Variants in MROH6 observed in about 807,000 individuals in gnomAD.
MROH6 encodes the protein maestro heat-like repeat-containing protein family member 6.
In MROH6, 62 loss-of-function variants were observed where a neutral mutation model predicts 67.7. The observed-to-expected ratio is 0.92, with a 90% CI of 0.75 to 1.13. MROH6 has a LOEUF of 1.13. Ranked by LOEUF, MROH6 falls within the 50% of genes most tolerant of loss-of-function variation. The pLI is 0.00. For synonymous variants in MROH6, 566 were observed against 470.8 expected, an observed-to-expected ratio of 1.20 and a Z score of -2.62; for missense variants, 1,175 against 1,029.1, an observed-to-expected ratio of 1.14 and a Z score of -1.94.
rs768119075 is a variant in MROH6 at position 143,568,675 on chromosome 8, A to G, written c.1521T>C (p.Thr507=). 2.6e-5 allele frequency: 40 copies of G among 1,521,786 alleles called. No individual in the cohort carries two copies. The highest frequency in any genetic ancestry group is 3.2e-5 in the Non-Finnish European group (36 of 1,139,644). 94.3% of individuals were successfully genotyped at this position (1,521,786 alleles called of 1,614,324 possible). A position where few individuals can be genotyped will look rare whatever the true frequency, so the allele number is the denominator to read the frequency against. ...IRASAVGLLG[T]LVRRGRGGLR... is the part of the protein sequence containing the mutation. Reference sequence around the variant, plus strand: ...GCCCGCCCCGGCCCCGGCGCACCAGAGTCCCAAGGAGCCCGACGGCCGAGG... The same window carrying G: ...GCCCGCCCCGGCCCCGGCGCACCAGGGTCCCAAGGAGCCCGACGGCCGAGG... Residue 507 remains threonine, a synonymous_variant, in exon 10 of 14, where the codon ACT becomes ACC. Coordinates refer to ENST00000398882, the MANE Select transcript of MROH6 (RefSeq NM_001100878.2).
chr8:143,572,299 C>T, intron 1 of MROH6, 114 bp from the exon 2 acceptor site: 1 of 1,521,870 alleles, frequency 6.6e-7, no homozygotes. Flanking sequence ...CTGTTGCTCA[C>T]CAGCCTGTTT....
At chr8:143,570,746 G>A (rs1420549642) in intron 4 of MROH6, 89 bp from the exon 5 acceptor site, 1 of 1,448,160 alleles carries the variant, frequency 6.9e-7, no homozygotes, top group Non-Finnish European at 9.3e-7. Context: ...ACAGGATGGG[G>A]ACAGCCTCAG....
In MROH6 at chr8:143,572,056, G is replaced by C. The variant is rs201330002; in HGVS notation, c.424C>G (p.Arg142Gly). Residue 142 changes from arginine to glycine, a missense_variant, in exon 2 of 14, where the codon CGG becomes GGG. Physicochemically the swap from Arg to Gly is moderately radical, Grantham distance 125 (BLOSUM62 -2). Coordinates refer to ENST00000398882, the MANE Select transcript of MROH6 (RefSeq NM_001100878.2). Reference protein sequence around the residue: ...VLTLSSALEARGERLEDQVHA... With the variant: ...VLTLSSALEAGGERLEDQVHA... Reference sequence around the variant, plus strand: ...ACCTGGTCCTCCAACCGCTCGCCCCGGGCCTCCAGGGCTGAGGACAGGGTG... The same window carrying C: ...ACCTGGTCCTCCAACCGCTCGCCCCCGGCCTCCAGGGCTGAGGACAGGGTG... The C allele has an allele frequency of 5.0e-6, 8 of 1,612,094 alleles. No homozygotes were observed. In the East Asian group the frequency reaches 1.6e-4, roughly 31 times the overall value.
Position 143,569,630 on chromosome 8 carries a change from G to C in MROH6, c.1303-16C>G. ...CGTGCCGCACCTGCTGGGACTCGGG[G>C]TCAGCCTCTTGCAGACCTCGCCGCG... On this transcript the variant is annotated splice_polypyrimidine_tract_variant and intron_variant, in intron 8 of 13. Transcript: ENST00000398882. The C allele has an allele frequency of 6.3e-7, 1 of 1,587,732 alleles. No homozygotes were observed. Among genetic ancestry groups the C allele is most frequent in the Non-Finnish European group, 8.6e-7 (1 of 1,165,636 alleles).
chr8:143,570,658 C>T lies in MROH6; in HGVS notation c.721-1G>A. 1 of 1,590,946 alleles carries T rather than the reference C, an allele frequency of 6.3e-7. No homozygotes were observed. Among genetic ancestry groups the T allele is most frequent in the Non-Finnish European group, 8.5e-7 (1 of 1,174,626 alleles). On this transcript the variant is annotated splice_acceptor_variant, in intron 4 of 13. Transcript: ENST00000398882. LOFTEE classifies it high-confidence loss of function. Reference sequence around the variant, plus strand: ...GCATCTCCCCAAGAGCACGTGTGGCCTGTGGAGCAAGTGGCCCACTCAGGC... The same window carrying T: ...GCATCTCCCCAAGAGCACGTGTGGCTTGTGGAGCAAGTGGCCCACTCAGGC...
rs11280720 is a variant in MROH6 at position 143,570,223 on chromosome 8, CCCCTCCTCA to C, written c.1043+11_1043+19del. 2.3e-5 allele frequency: 35 copies of C among 1,552,826 alleles called. 1 individual carries two copies. The Middle Eastern group carries it at 5.2e-4, about 23-fold the overall frequency. On this transcript the variant is annotated intron_variant, in intron 6 of 13. Coordinates refer to ENST00000398882, the MANE Select transcript of MROH6 (RefSeq NM_001100878.2). ...CTCTTCCTGGTGTGACACCCTGGGG[CCCCTCCTCA>C]CCCTCCTCACCTGGCCAGCAGCAGG...
In MROH6 at chr8:143,567,799, G is replaced by A. The variant is rs757414036; in HGVS notation, c.1854C>T (p.Ala618=). 24 of 1,536,860 alleles carry A rather than the reference G, an allele frequency of 1.6e-5. No individual in the cohort carries two copies. Among genetic ancestry groups the A allele is most frequent in the African/African-American group, 2.8e-5 (2 of 72,436 alleles). Residue 618 remains alanine, a synonymous_variant, in exon 12 of 14, where the codon GCC becomes GCT. Coordinates refer to ENST00000398882, the MANE Select transcript of MROH6 (RefSeq NM_001100878.2). ...GGGCGGCCTCACCTATAAGCACGGC[G>A]GCTGCCCGGCGCAGGGGGTCCTGTG... ...RSPQDPLRRA[A]AVLIGFLVHH...
chr8:143,567,929 C>G (rs1563913939), intron 11 of MROH6, 41 bp from the exon 12 acceptor site: 23 of 1,502,470 alleles, frequency 1.5e-5, no homozygotes, highest in Non-Finnish European at 2.0e-5. Context: ...GAGGGCTGAT[C>G]CTGAGTGCGG....
chr8:143,567,452 C>G lies in MROH6; in HGVS notation c.1947G>C (p.Leu649=). The G allele has an allele frequency of 2.9e-6, 4 of 1,373,730 alleles. No individual in the cohort carries two copies. The South Asian group carries it at 6.8e-5, about 23-fold the overall frequency. 85.1% of individuals were successfully genotyped at this position (1,373,730 alleles called of 1,614,324 possible). A position where few individuals can be genotyped will look rare whatever the true frequency, so the allele number is the denominator to read the frequency against. The change falls in exon 14 of 14, where the codon CTG becomes CTC. Residue 649 remains leucine (L), a synonymous_variant. Coordinates refer to ENST00000398882, the MANE Select transcript of MROH6 (RefSeq NM_001100878.2). ...CCACAGCCGGCTTGGGGTCGCTCTG[C>G]AGTCGCCCTAGGTCTGCGAGGAGAT... is the stretch of plus-strand genomic sequence containing the variant. ...LDSLFQDLGR[L]QSDPKPAVAA...
chr8:143,571,448 G>A (rs1432001578), intron 3 of MROH6, among the ~76,000 whole-genome samples: 1 of 152,204 alleles, frequency 6.6e-6, no homozygotes, highest in Non-Finnish European at 1.5e-5. Flanking sequence ...TCCAAGAGAG[G>A]AGCCCAGCAT....
chr8:143,571,615 G>T (rs2130660909), intron 3 of MROH6, 52 bp downstream of exon 3: 5 of 1,546,388 alleles, frequency 3.2e-6, no homozygotes, highest in South Asian at 1.2e-5. Context: ...CGCCAAGCGG[G>T]AAGAGGGAAG....
intron 4 of MROH6, 28 bp downstream of exon 4, chr8:143,570,849 C>T (rs1231833152): frequency 5.6e-5 from 80 of 1,434,900 alleles, no homozygotes; most frequent in Admixed American, 8.1e-5. Context: ...CCCGCCCCCA[C>T]CCCCTGGTAA....
At chr8:143,569,417 C>T (rs1012577361) in intron 9 of MROH6, 24 bp downstream of exon 9, 1 of 1,415,530 alleles carries the variant, frequency 7.1e-7, no homozygotes, top group African/African-American at 1.5e-5. Context: ...AGGGGCGGGA[C>T]CCGGAGGCGG....
In MROH6 at chr8:143,570,517, C is replaced by T. The variant is rs372593685; in HGVS notation, c.861G>A (p.Lys287=). ...GCCCTCGGTGGGACAGAACCCAAATCTTGGGCATGTCGGGGGAGCACGGGC... is the reference window on the plus strand; with the variant it reads ...GCCCTCGGTGGGACAGAACCCAAATTTTGGGCATGTCGGGGGAGCACGGGC... ...ARSPCSPDMP[K]IWVLSHRGPP... Residue 287 remains lysine (K), a synonymous_variant, in exon 5 of 14, where the codon AAG becomes AAA. Transcript: ENST00000398882. 20 of 1,612,564 alleles carry T rather than the reference C, an allele frequency of 1.2e-5. No homozygotes were observed. Among genetic ancestry groups the T allele is most frequent in the Non-Finnish European group, 1.7e-5 (20 of 1,179,828 alleles).
rs1563917279 is a variant in MROH6, at chr8:143,569,630, GT to G, written c.1303-17del. ...CGTGCCGCACCTGCTGGGACTCGGG[GT>G]CAGCCTCTTGCAGACCTCGCCGCGA... On this transcript the variant is annotated splice_polypyrimidine_tract_variant and intron_variant, in intron 8 of 13. Coordinates refer to ENST00000398882, the MANE Select transcript of MROH6 (RefSeq NM_001100878.2). 6.3e-7 allele frequency: 1 copy of G among 1,587,614 alleles called. No homozygotes were observed. Among genetic ancestry groups the G allele is most frequent in the African/African-American group, 1.3e-5 (1 of 74,478 alleles).
In MROH6 at chr8:143,572,439, G is replaced by A. The variant is rs774832262; in HGVS notation, c.276C>T (p.Ala92=). 13 of 1,587,132 alleles carry A rather than the reference G, an allele frequency of 8.2e-6. No individual in the cohort carries two copies. Among genetic ancestry groups the A allele is most frequent in the Non-Finnish European group, 1.0e-5 (12 of 1,169,826 alleles). The change falls in exon 1 of 14, where the codon GCC becomes GCT. Residue 92 remains alanine (A), a synonymous_variant. Coordinates refer to ENST00000398882, the MANE Select transcript of MROH6 (RefSeq NM_001100878.2). ...PCSLNSALEP[A]PEGPHQVPQS... is the part of the protein sequence containing the mutation. ...CCGTCACCTGGTGGGGCCCCTCAGG[G>A]GCTGGTTCCAGGGCACTGTTGAGGG...
chr8:143,568,639 C>A lies in MROH6; in HGVS notation c.1557G>T (p.Gly519=), dbSNP rs1361285921. Residue 519 remains glycine (G), a synonymous_variant, in exon 10 of 14, where the codon GGG becomes GGT. Coordinates refer to ENST00000398882, the MANE Select transcript of MROH6 (RefSeq NM_001100878.2). ...VRRGRGGLRL[G]LRGPLRKLVL... ...CCAGCTTCCGCAGGGGGCCGCGGAG[C>A]CCCAGCCGGAGCCCGCCCCGGCCCC... 1.8e-5 allele frequency: 28 copies of A among 1,535,828 alleles called. No individual in the cohort carries two copies. Among genetic ancestry groups the A allele is most frequent in the Non-Finnish European group, 2.1e-5 (24 of 1,146,628 alleles).
Position 143,572,685 on chromosome 8 carries a change from C to T in MROH6, c.30G>A (p.Arg10=). 1 of 1,517,550 alleles carries T rather than the reference C, an allele frequency of 6.6e-7. No homozygotes were observed. Among genetic ancestry groups the T allele is most frequent in the Non-Finnish European group, 8.8e-7 (1 of 1,136,176 alleles). 94.0% of individuals were successfully genotyped at this position (1,517,550 alleles called of 1,614,324 possible). A position where few individuals can be genotyped will look rare whatever the true frequency, so the allele number is the denominator to read the frequency against. The change falls in exon 1 of 14, where the codon CGG becomes CGA. Residue 10 remains arginine, a synonymous_variant. Coordinates refer to ENST00000398882, the MANE Select transcript of MROH6 (RefSeq NM_001100878.2). MAGGVWGRS[R]AREAPVGALT... is the part of the protein sequence containing the mutation. ...GAGCCCCCACGGGAGCCTCCCGGGC[C>T]CGGCTCCGGCCCCACACACCCCCAG...
At chr8:143,571,641 C>A in intron 3 of MROH6, 26 bp downstream of exon 3, 2 of 1,556,578 alleles carry the variant, frequency 1.3e-6, no homozygotes, top group Non-Finnish European at 8.7e-7. Context: ...CGCGTGGGGA[C>A]CGCAGGGCCA....
Sources: gnomAD v4.1 joint callset for allele counts (sites outside exome capture counted in the v4.1 genomes callset) on GRCh38, gnomAD v4.1.1 for gene constraint, MANE v1.5 for transcripts, NCBI Gene and HGNC (gene_info 2026-07-23, HGNC 2026-07-21) for gene names.